Variants in CACHD1 observed in about 807,000 individuals in gnomAD.
The protein encoded by CACHD1 is cache domain containing 1, also known as VWFA and cache domain-containing protein 1.
CACHD1 carries 71 observed loss-of-function variants against 138.7 expected under a neutral mutation model. The observed-to-expected ratio is 0.51, with a 90% CI of 0.42 to 0.62. The LOEUF is 0.62. Ranked by LOEUF, CACHD1 falls within the 20% of genes least tolerant of loss-of-function variation. CACHD1 has a pLI of 0.00. For missense variants in CACHD1, 1,389 were observed against 1,625.3 expected (o/e 0.85, Z 2.50); for synonymous variants, 578 against 591.5 (o/e 0.98, Z 0.33).
chr1:64,580,286 A>G (rs1178316317), intron 2 of CACHD1, among the ~76,000 whole-genome samples: 1 of 152,128 alleles, frequency 6.6e-6, no homozygotes, highest in Non-Finnish European at 1.5e-5. Flanking sequence ...AAATAGAAGA[A>G]CAGTTTGGAA....
chr1:64,597,728 A>G (rs541380089), intron 3 of CACHD1, among the ~76,000 whole-genome samples: 1 of 152,124 alleles, frequency 6.6e-6, no homozygotes, highest in African/African-American at 2.4e-5. Flanking sequence ...TGAGGAATGA[A>G]GCAAACCAAA....
At chr1:64,681,860 C>T in intron 25 of CACHD1, 145 bp from the exon 26 acceptor site, 1 of 695,138 alleles carries the variant, frequency 1.4e-6, no homozygotes, top group Non-Finnish European at 2.5e-6. Flanking sequence ...CACCCCAATC[C>T]CCAGAATTGT....
intron 26 of CACHD1, among the ~76,000 whole-genome samples, chr1:64,687,040 C>T (rs1261572678): frequency 6.6e-6 from 1 of 152,182 alleles, no homozygotes; most frequent in East Asian, 1.9e-4. Flanking sequence ...AACCTAATCT[C>T]GGCTCTTTTT....
chr1:64,586,081 G>A (rs1647049074), intron 3 of CACHD1, among the ~76,000 whole-genome samples: 1 of 151,918 alleles, frequency 6.6e-6, no homozygotes, highest in Non-Finnish European at 1.5e-5. Flanking sequence ...TTGTTTTTTT[G>A]GAGATAGAGT....
intron 2 of CACHD1, among the ~76,000 whole-genome samples, chr1:64,555,618 G>A (rs1299221002): frequency 6.6e-6 from 1 of 151,902 alleles, no homozygotes; most frequent in Non-Finnish European, 1.5e-5. Flanking sequence ...ATGGGGTTTT[G>A]CCATGTTGAC....
At chr1:64,660,617 G>A (rs761362696) in intron 13 of CACHD1, among the ~76,000 whole-genome samples, 50 of 151,494 alleles carry the variant, frequency 3.3e-4, no homozygotes, top group Admixed American at 5.3e-4. Context: ...TGCCACCTCC[G>A]TCTCCTGGGT....
rs78911565 is a variant in CACHD1, at chr1:64,663,561, A to G, written c.1952-134A>G. On this transcript the variant is annotated intron_variant, in intron 13 of 26. Coordinates refer to ENST00000651257, the MANE Select transcript of CACHD1 (RefSeq NM_020925.4). ...GCGAGACTCCATCTGAAAAAAAAAA[A>G]AAAAGAAAAAAAGGAAAAAAAAAGA... The G allele has an allele frequency of 4.6e-4, 551 of 1,200,342 alleles. 4 individuals carry two copies. The African/African-American group carries it at 7.0e-3, about 15-fold the overall frequency. The allele number at this position is 1,200,342 out of a possible 1,614,324, so 74.4% of individuals were successfully genotyped here. A position where few individuals can be genotyped will look rare whatever the true frequency, so the allele number is the denominator to read the frequency against.
intron 2 of CACHD1, among the ~76,000 whole-genome samples, chr1:64,558,529 T>C (rs1646815346): frequency 6.6e-6 from 1 of 152,194 alleles, no homozygotes; most frequent in African/African-American, 2.4e-5. Flanking sequence ...TAAAACCAGT[T>C]TGGCTATGAA....
intron 3 of CACHD1, among the ~76,000 whole-genome samples, chr1:64,591,260 C>G (rs1490778228): frequency 6.6e-6 from 1 of 152,040 alleles, no homozygotes; most frequent in Non-Finnish European, 1.5e-5. Flanking sequence ...AACATTTCAG[C>G]TGGGTATTTA....
chr1:64,491,476 G>A (rs1303960397), intron 1 of CACHD1, among the ~76,000 whole-genome samples: 1 of 152,162 alleles, frequency 6.6e-6, no homozygotes, highest in Admixed American at 6.5e-5. Context: ...AGAGAAAGAA[G>A]AGCAAGGGGG....
chr1:64,597,623 A>G (rs1412501123), intron 3 of CACHD1, among the ~76,000 whole-genome samples: 2 of 150,676 alleles, frequency 1.3e-5, no homozygotes, highest in Non-Finnish European at 2.9e-5. Context: ...TATCTTATGA[A>G]AATGAGCATA....
At chr1:64,686,095 T>C (rs904126818) in intron 26 of CACHD1, among the ~76,000 whole-genome samples, 1 of 152,218 alleles carries the variant, frequency 6.6e-6, no homozygotes, top group African/African-American at 2.4e-5. Context: ...CACTTTTATC[T>C]GCGAGTAAAT....
chr1:64,659,193 T>C (rs1040725343), intron 13 of CACHD1, among the ~76,000 whole-genome samples: 2 of 152,130 alleles, frequency 1.3e-5, no homozygotes, highest in African/African-American at 4.8e-5. Context: ...AGCCTGGTCT[T>C]CTAGGGGGTC....
chr1:64,665,984 G>T, intron 15 of CACHD1, 73 bp from the exon 16 acceptor site: 1 of 837,786 alleles, frequency 1.2e-6, no homozygotes, highest in Non-Finnish European at 1.9e-6. Context: ...CAGCCTGGGC[G>T]ACAGAGCAAG....
At chr1:64,476,261 A>G (rs1646174295) in intron 1 of CACHD1, among the ~76,000 whole-genome samples, 1 of 152,136 alleles carries the variant, frequency 6.6e-6, no homozygotes, top group Non-Finnish European at 1.5e-5. Flanking sequence ...GCCCCTTCAT[A>G]TGGCTCCCAT....
chr1:64,641,752 C>T, intron 7 of CACHD1, 68 bp from the exon 8 acceptor site: 2 of 1,279,486 alleles, frequency 1.6e-6, no homozygotes, highest in Non-Finnish European at 2.1e-6. Flanking sequence ...AGGACATGAA[C>T]AGGAAACTGA....
At chr1:64,527,032 C>A (rs1646545376) in intron 1 of CACHD1, among the ~76,000 whole-genome samples, 1 of 152,158 alleles carries the variant, frequency 6.6e-6, no homozygotes, top group Non-Finnish European at 1.5e-5. Flanking sequence ...GTAGATCCTA[C>A]CTGATTTCTT....
At chr1:64,677,820 CT>C (rs1650046740) in intron 22 of CACHD1, among the ~76,000 whole-genome samples, 1 of 151,906 alleles carries the variant, frequency 6.6e-6, no homozygotes. Context: ...TGACCCCACA[CT>C]TGGGGGATGT....
intron 1 of CACHD1, among the ~76,000 whole-genome samples, chr1:64,532,865 G>A (rs920720730): frequency 5.9e-5 from 9 of 152,146 alleles, no homozygotes; most frequent in African/African-American, 2.2e-4. Flanking sequence ...GTAACGAGGA[G>A]GAGGAGGAGT....
Sources: allele counts gnomAD v4.1 joint callset (sites outside exome capture counted in the v4.1 genomes callset), GRCh38; gene constraint gnomAD v4.1.1; transcripts MANE v1.5; gene names NCBI Gene and HGNC (gene_info 2026-07-23, HGNC 2026-07-21).